The following DPYSL2 variants were observed in gnomAD, a reference collection of about 807,000 sequenced individuals.
The protein encoded by DPYSL2 is dihydropyrimidinase like 2.
Under a neutral mutation model 69.9 loss-of-function variants are expected in DPYSL2, and 13 were observed. The observed-to-expected ratio is 0.19, with a 90% CI of 0.12 to 0.30. DPYSL2 has a LOEUF of 0.30. DPYSL2 is among the 10% of genes least tolerant of loss of function. DPYSL2 has a pLI of 1.00. For synonymous variants in DPYSL2, 326 were observed against 359.1 expected (o/e 0.91, Z 1.04); for missense variants, 587 against 918.9 (o/e 0.64, Z 4.67).
chr8:26,528,263 A>G (rs1031078262), intron 1 of DPYSL2, among the ~76,000 whole-genome samples: 1 of 152,188 alleles, frequency 6.6e-6, no homozygotes, highest in African/African-American at 2.4e-5. Flanking sequence ...ATAGAGAGAC[A>G]GGGCCCCTGG....
intron 1 of DPYSL2, among the ~76,000 whole-genome samples, chr8:26,563,612 T>C (rs557974170): frequency 6.6e-6 from 1 of 152,336 alleles, no homozygotes; most frequent in East Asian, 1.9e-4. Flanking sequence ...CTCCCCTTCC[T>C]AGACCTTCCT....
chr8:26,623,493 G>A (rs1481997114), intron 3 of DPYSL2, among the ~76,000 whole-genome samples: 2 of 152,212 alleles, frequency 1.3e-5, no homozygotes, highest in Non-Finnish European at 1.5e-5. Context: ...CCATGCAGGT[G>A]AATGATGGAG....
At chr8:26,615,536 G>A (rs1221284126) in intron 3 of DPYSL2, among the ~76,000 whole-genome samples, 3 of 150,778 alleles carry the variant, frequency 2.0e-5, no homozygotes, top group Non-Finnish European at 4.4e-5. Flanking sequence ...ATAGTTCCAT[G>A]ACTCCCTTGG....
In DPYSL2 at chr8:26,539,246, G is replaced by C. The variant is rs539862061; in HGVS notation, c.354+24567G>C. Among the ~76,000 whole-genome samples, 4 of 152,274 alleles carry C rather than the reference G, an allele frequency of 2.6e-5. 1 individual carries two copies. The highest frequency in any genetic ancestry group is 9.6e-5 in the African/African-American group (4 of 41,558). The stretch of plus-strand genomic sequence containing the variant: ...GACAATCTGAACTAATTTAGCTTAT[G>C]GGTACAGAACCCTTCTCTCTGCATG... On this transcript the variant is annotated intron_variant, in intron 1 of 13. Coordinates refer to ENST00000521913, the MANE Select transcript of DPYSL2 (RefSeq NM_001197293.3).
rs573616027 is a variant in DPYSL2, at chr8:26,553,548, G to A, written c.355-28421G>A. ...CCAGCTTCATCTATGTTCTTGCAAA[G>A]GACATGATCTCGTTCTTTTTTATGA... On this transcript the variant is annotated intron_variant, in intron 1 of 13. Transcript: ENST00000521913. 9.2e-5 allele frequency among the ~76,000 whole-genome samples: 14 copies of A among 152,228 alleles called. No homozygotes were observed. In the South Asian group the frequency reaches 2.3e-3, roughly 25 times the overall value.
At position 26,627,059 on chromosome 8, in the gene DPYSL2, A is replaced by G. The variant is rs1802634362; in HGVS notation, c.856-156A>G. 1.3e-5 allele frequency among the ~76,000 whole-genome samples: 2 copies of G among 152,312 alleles called. No individual in the cohort carries two copies. Among genetic ancestry groups the G allele is most frequent in the South Asian group, 4.1e-4 (2 of 4,826 alleles). On this transcript the variant is annotated intron_variant, in intron 5 of 13. Transcript: ENST00000521913. This position sits in a 1 kb window ranked among gnomAD's most constrained non-coding sequence, Gnocchi z 6.9. ...CTTTCTCCATCAAATGTGGCCAGTA[A>G]CATTGCCCTCATCATATCAAAAAAA...
chr8:26,535,466 CCATAGAGGTCATACTCTGATGTTT>C (rs1800575560), intron 1 of DPYSL2, among the ~76,000 whole-genome samples: 3 of 152,076 alleles, frequency 2.0e-5, no homozygotes, highest in Non-Finnish European at 1.5e-5. Context: ...TAGAGATTTT[CCATAGAGGTCATACTCTGATGTTT>C]CATGACCTTT....
Position 26,610,546 on chromosome 8 carries a change from A to T in DPYSL2, c.629-13597A>T, listed in dbSNP as rs1401751929. On this transcript the variant is annotated intron_variant, in intron 3 of 13. Transcript: ENST00000521913. This position sits in a 1 kb window ranked among gnomAD's most constrained non-coding sequence, Gnocchi z 4.5. ...TGCAGAAGACTTAGCTAGATGAGTG[A>T]CTCAAAGTTCCATGCCTGGGGCCCT... is the stretch of plus-strand genomic sequence containing the variant. 1.3e-5 allele frequency among the ~76,000 whole-genome samples: 2 copies of T among 151,988 alleles called. No homozygotes were observed. The highest frequency in any genetic ancestry group is 4.8e-5 in the African/African-American group (2 of 41,342).
Position 26,653,507 on chromosome 8 carries a change from C to T in DPYSL2, c.1942+110C>T. On this transcript the variant is annotated intron_variant, in intron 13 of 13. Transcript: ENST00000521913. This position sits in a 1 kb window ranked among gnomAD's most constrained non-coding sequence, Gnocchi z 5.7. The stretch of plus-strand genomic sequence containing the variant: ...ACAGAAATAGAAGTGAATGATATTC[C>T]CTTTCTCTCCAACGTGAGAAATACA... 3 of 1,139,958 alleles carry T rather than the reference C, an allele frequency of 2.6e-6. No individual in the cohort carries two copies. The highest frequency in any genetic ancestry group is 2.5e-6 in the Non-Finnish European group (2 of 798,678). The allele number at this position is 1,139,958 out of a possible 1,614,324, so 70.6% of individuals were successfully genotyped here. A position where few individuals can be genotyped will look rare whatever the true frequency, so the allele number is the denominator to read the frequency against.
intron 3 of DPYSL2, among the ~76,000 whole-genome samples, chr8:26,592,986 C>T (rs953155227): frequency 3.3e-5 from 5 of 152,072 alleles, no homozygotes; most frequent in African/African-American, 9.7e-5. Context: ...TTTGACTCTC[C>T]GTGATTGTTG....
In DPYSL2 at chr8:26,652,350, C is replaced by G. The variant is rs202069123; in HGVS notation, c.1690C>G (p.Leu564Val). ...QGKIVLEDGT[L>V]HVTEGSGRYI... ...GAAGATTGTCCTGGAGGACGGCACC[C>G]TGCATGTCACCGAAGGCTCTGGACG... The change falls in exon 12 of 14, where the codon CTG becomes GTG. Residue 564 changes from leucine (L) to valine (V), a missense_variant. By Grantham distance (32) the Leu-to-Val change is conservative (BLOSUM62 1). Around this residue, in one of 3 missense-constraint regions of DPYSL2, gnomAD observed 452 missense variants for 754.3 expected, o/e 0.60. Coordinates refer to ENST00000521913, the MANE Select transcript of DPYSL2 (RefSeq NM_001197293.3). The surrounding 1 kb of genome is among the most constrained non-coding windows in gnomAD (Gnocchi z 6.3). 9 of 1,614,226 alleles carry G rather than the reference C, an allele frequency of 5.6e-6. No individual in the cohort carries two copies. Among genetic ancestry groups the G allele is most frequent in the African/African-American group, 1.3e-5 (1 of 75,056 alleles).
rs1803296013 is a variant in DPYSL2 at position 26,652,368 on chromosome 8, T to C, written c.1708T>C (p.Ser570Pro). ...EDGTLHVTEG[S>P]GRYIPRKPFP... ...CGGCACCCTGCATGTCACCGAAGGC[T>C]CTGGACGCTACATTCCCCGGAAGCC... The change falls in exon 12 of 14, where the codon TCT (serine) becomes CCT (proline). Residue 570 changes from serine (S) to proline (P), a missense_variant. Around this residue, in one of 3 missense-constraint regions of DPYSL2, gnomAD observed 452 missense variants for 754.3 expected, o/e 0.60. Transcript: ENST00000521913. This position sits in a 1 kb window ranked among gnomAD's most constrained non-coding sequence, Gnocchi z 6.3. 6.2e-7 allele frequency: 1 copy of C among 1,614,092 alleles called. No homozygotes were observed. Among genetic ancestry groups the C allele is most frequent in the African/African-American group, 1.3e-5 (1 of 74,940 alleles).
Position 26,617,602 on chromosome 8 carries a change from C to T in DPYSL2, c.629-6541C>T, listed in dbSNP as rs944546704. 6.6e-6 allele frequency among the ~76,000 whole-genome samples: 1 copy of T among 152,186 alleles called. No individual in the cohort carries two copies. Among genetic ancestry groups the T allele is most frequent in the Non-Finnish European group, 1.5e-5 (1 of 68,036 alleles). ...GAAGTTTTAGGGAGCAGCTTATTTACTTTGTGTCTCACACTTTGCTAATAT... is the reference window on the plus strand; with the variant it reads ...GAAGTTTTAGGGAGCAGCTTATTTATTTTGTGTCTCACACTTTGCTAATAT... On this transcript the variant is annotated intron_variant, in intron 3 of 13. Transcript: ENST00000521913. This position sits in a 1 kb window ranked among gnomAD's most constrained non-coding sequence, Gnocchi z 4.7.
chr8:26,572,458 C>T (rs1801253266), intron 1 of DPYSL2, among the ~76,000 whole-genome samples: 1 of 152,216 alleles, frequency 6.6e-6, no homozygotes, highest in Non-Finnish European at 1.5e-5. Flanking sequence ...GCTTGAGCCC[C>T]CAGCCTTGTC....
chr8:26,535,898 TTGTGTGTGTGTG>T (rs112620337), intron 1 of DPYSL2, among the ~76,000 whole-genome samples: 34 of 141,246 alleles, frequency 2.4e-4, no homozygotes, highest in Admixed American at 7.8e-4. Flanking sequence ...TCTCTATGGG[TTGTGTGTGTGTG>T]TGTGTGTGTG....
rs934615922 is a variant in DPYSL2, at chr8:26,588,597, C to T, written c.628+4614C>T. On this transcript the variant is annotated intron_variant, in intron 3 of 13. Coordinates refer to ENST00000521913, the MANE Select transcript of DPYSL2 (RefSeq NM_001197293.3). This position sits in a 1 kb window ranked among gnomAD's most constrained non-coding sequence, Gnocchi z 5.4. ...AGGCTTCCTGGTCCCTGGGTAGCAC[C>T]GCACAGCAGAGATGGGGACTGGACT... 1.3e-5 allele frequency among the ~76,000 whole-genome samples: 2 copies of T among 152,104 alleles called. No individual in the cohort carries two copies. Among genetic ancestry groups the T allele is most frequent in the African/African-American group, 2.4e-5 (1 of 41,394 alleles).
chr8:26,577,786 C>A, intron 1 of DPYSL2: 1 of 992,190 alleles, frequency 1.0e-6, no homozygotes. Flanking sequence ...GCATTTCGCG[C>A]TCTCGCGCCG....
chr8:26,529,377 T>G (rs1187319008), intron 1 of DPYSL2, among the ~76,000 whole-genome samples: 1 of 152,092 alleles, frequency 6.6e-6, no homozygotes, highest in Non-Finnish European at 1.5e-5. Flanking sequence ...TCTCCCAGGC[T>G]GCAGTGCAGT....
chr8:26,527,920 A>G (rs1008103891), intron 1 of DPYSL2, among the ~76,000 whole-genome samples: 6 of 150,740 alleles, frequency 4.0e-5, no homozygotes, highest in Non-Finnish European at 8.8e-5. Context: ...CTCTTGCCTC[A>G]GACTCCTGAG....
Sources: gnomAD v4.1 joint callset for allele counts (sites outside exome capture counted in the v4.1 genomes callset) on GRCh38, gnomAD v4.1.1 for gene constraint, gnomAD v4.1.1 regional missense constraint, Gnocchi (gnomAD v3.1) non-coding constraint, MANE v1.5 for transcripts, NCBI Gene and HGNC (gene_info 2026-07-23, HGNC 2026-07-21) for gene names.